RIMKLB: variants seen among roughly 807,000 people sequenced by gnomAD.
The protein encoded by RIMKLB is ribosomal modification protein rimK like family member B, also known as beta-citrylglutamate synthase B.
In RIMKLB, 7 loss-of-function variants were observed where a neutral mutation model predicts 32.0. That is an observed-to-expected ratio of 0.22 (90% CI 0.12 to 0.41). The LOEUF (loss-of-function observed/expected upper bound fraction) is 0.41. RIMKLB is among the 10% of genes least tolerant of loss of function. The pLI, the probability that RIMKLB is intolerant of heterozygous loss-of-function variation, is 1.00. For missense variants in RIMKLB, 289 were observed against 498.7 expected, an observed-to-expected ratio of 0.58 and a Z score of 4.00; for synonymous variants, 172 against 185.1, an observed-to-expected ratio of 0.93 and a Z score of 0.57.
At chr12:8,726,872 G>A (rs1229668246) in intron 2 of RIMKLB, among the ~76,000 whole-genome samples, 1 of 151,580 alleles carries the variant, frequency 6.6e-6, no homozygotes, top group African/African-American at 2.4e-5. Flanking sequence ...TGTTACCCCT[G>A]TTTTTCTTAT....
chr12:8,741,401 C>T lies in RIMKLB; in HGVS notation c.176-8461C>T, dbSNP rs756510809. Among the ~76,000 whole-genome samples the T allele has an allele frequency of 1.4e-4, 21 of 150,158 alleles. No individual in the cohort carries two copies. The East Asian group carries it at 3.1e-3, about 22-fold the overall frequency. On this transcript the variant is annotated intron_variant, in intron 2 of 5. Coordinates refer to ENST00000535829, the MANE Select transcript of RIMKLB (RefSeq NM_001297776.2). ...TTAAAAAAAAAAAGGAGAATCAGTT[C>T]TTCAATTTGAAGTATAACTTGATGG... is the stretch of plus-strand genomic sequence containing the variant.
In RIMKLB at chr12:8,774,465, T is replaced by C. The variant is rs753500757; in HGVS notation, c.*681T>C. On this transcript the variant is annotated 3_prime_UTR_variant, in exon 6 of 6. Transcript: ENST00000535829. The stretch of plus-strand genomic sequence containing the variant: ...GTATTGCAATGTCCGGTATACAAAA[T>C]AACATTAATTCAATGTAGATAAAAT... The C allele has an allele frequency of 2.0e-6, 2 of 985,092 alleles. No individual in the cohort carries two copies. The highest frequency in any genetic ancestry group is 1.1e-4 in the East Asian group (1 of 8,808). 61.0% of individuals were successfully genotyped at this position (985,092 alleles called of 1,614,324 possible). A position where few individuals can be genotyped will look rare whatever the true frequency, so the allele number is the denominator to read the frequency against.
At chr12:8,693,683 A>C, upstream of RIMKLB, among the ~76,000 whole-genome samples, 1 of 152,012 alleles carries the variant, frequency 6.6e-6, no homozygotes. Flanking sequence ...CACATGGGAG[A>C]CACCACACCG....
At chr12:8,687,182 T>A (rs1467525350) in intron 1 of RIMKLB, among the ~76,000 whole-genome samples, 1 of 152,174 alleles carries the variant, frequency 6.6e-6, no homozygotes, top group Admixed American at 6.5e-5. Flanking sequence ...AACAATATAA[T>A]TTTTTTAGTA....
chr12:8,724,509 T>C (rs1470198639), intron 2 of RIMKLB, among the ~76,000 whole-genome samples: 1 of 152,236 alleles, frequency 6.6e-6, no homozygotes, highest in East Asian at 1.9e-4. Context: ...TGCACACTTA[T>C]TCCAGTCCAG....
At chr12:8,727,895 T>C (rs1276888918) in intron 2 of RIMKLB, among the ~76,000 whole-genome samples, 2 of 109,000 alleles carry the variant, frequency 1.8e-5, no homozygotes, top group Non-Finnish European at 4.0e-5. Context: ...AGTGAGACAT[T>C]GTCTCAAAAA....
At chr12:8,693,040 C>T (rs193243726), upstream of RIMKLB, among the ~76,000 whole-genome samples, 121 of 152,336 alleles carry the variant, frequency 7.9e-4, no homozygotes, top group Non-Finnish European at 1.5e-3. Flanking sequence ...TTTACTACTT[C>T]GAGGCCTCTA....
upstream of RIMKLB, among the ~76,000 whole-genome samples, chr12:8,676,673 A>T (rs1341953024): frequency 6.6e-6 from 1 of 151,964 alleles, no homozygotes; most frequent in Non-Finnish European, 1.5e-5. Flanking sequence ...TGCTAGGATT[A>T]CAGGTGTGAG....
In RIMKLB at chr12:8,732,538, C is replaced by T. The variant is rs557631950; in HGVS notation, c.176-17324C>T. 1.5e-3 allele frequency among the ~76,000 whole-genome samples: 221 copies of T among 152,112 alleles called. 5 individuals are homozygous for T. The South Asian group carries it at 0.027, about 19-fold the overall frequency. On this transcript the variant is annotated intron_variant, in intron 2 of 5. Coordinates refer to ENST00000535829, the MANE Select transcript of RIMKLB (RefSeq NM_001297776.2). ...TATTTTTGGGGTGGTGTTACCTCTT[C>T]TTTAATAAGGAAGAAGGAAAAATGG...
At chr12:8,697,605 C>G (rs1012143007), upstream of RIMKLB, 67 of 177,232 alleles carry the variant, frequency 3.8e-4, 3 homozygotes, top group South Asian at 4.7e-3. Context: ...CCACCCCCCC[C>G]ATCCGTTTCC....
At chr12:8,778,013 AT>A (rs1005051452), downstream of RIMKLB, among the ~76,000 whole-genome samples, 7 of 152,168 alleles carry the variant, frequency 4.6e-5, no homozygotes, top group Admixed American at 2.6e-4. Flanking sequence ...AGACTTGGGA[AT>A]TTTGTTTAGC....
intron 1 of RIMKLB, among the ~76,000 whole-genome samples, chr12:8,682,080 A>G (rs1346543559): frequency 6.6e-6 from 1 of 152,100 alleles, no homozygotes; most frequent in Non-Finnish European, 1.5e-5. Flanking sequence ...TGTGGGGAAA[A>G]AAACTCGCAC....
intron 5 of RIMKLB, among the ~76,000 whole-genome samples, chr12:8,766,756 T>A (rs948145191): frequency 1.3e-5 from 2 of 152,234 alleles, no homozygotes; most frequent in Admixed American, 1.3e-4. Flanking sequence ...TAATTAAGAT[T>A]TAAATCCCCT....
chr12:8,669,446 C>T, the RIMKLB span, among the ~76,000 whole-genome samples: 36 of 151,976 alleles, frequency 2.4e-4, no homozygotes, highest in Non-Finnish European at 4.6e-4. Flanking sequence ...AATAATTATA[C>T]AATATAGTAT....
At chr12:8,687,820 GAAA>G (rs752174507) in intron 1 of RIMKLB, among the ~76,000 whole-genome samples, 8 of 72,926 alleles carry the variant, frequency 1.1e-4, no homozygotes, top group Non-Finnish European at 1.8e-4. Flanking sequence ...AAGTCAGGAA[GAAA>G]AAAAAAAAAA....
At chr12:8,724,127 A>G (rs907601189) in intron 2 of RIMKLB, among the ~76,000 whole-genome samples, 3 of 152,004 alleles carry the variant, frequency 2.0e-5, no homozygotes, top group African/African-American at 7.2e-5. Context: ...GCCATTCTTC[A>G]GTCGTTTTCA....
At chr12:8,670,616 T>G in the RIMKLB span, among the ~76,000 whole-genome samples, 1 of 152,196 alleles carries the variant, frequency 6.6e-6, no homozygotes, top group African/African-American at 2.4e-5. Flanking sequence ...CAGGCTGGTG[T>G]TGAGTGTCTG....
intron 5 of RIMKLB, among the ~76,000 whole-genome samples, chr12:8,769,426 G>A (rs941991457): frequency 4.6e-5 from 7 of 152,104 alleles, no homozygotes; most frequent in African/African-American, 1.7e-4. Flanking sequence ...TCTATAAGCA[G>A]TATATAGCTA....
intron 5 of RIMKLB, among the ~76,000 whole-genome samples, chr12:8,761,076 G>A (rs1344125488): frequency 1.3e-5 from 2 of 151,988 alleles, no homozygotes; most frequent in East Asian, 3.9e-4. Flanking sequence ...CTGGCCGGGT[G>A]CAGTGGCTTA....
Sources: allele counts gnomAD v4.1 joint callset (sites outside exome capture counted in the v4.1 genomes callset), GRCh38; gene constraint gnomAD v4.1.1; transcripts MANE v1.5; gene names NCBI Gene and HGNC (gene_info 2026-07-23, HGNC 2026-07-21).